Variants in ADAMTS12 observed in about 807,000 individuals in gnomAD.
The protein encoded by ADAMTS12 is A disintegrin and metalloproteinase with thrombospondin motifs 12.
In ADAMTS12, 118 loss-of-function variants were observed where a neutral mutation model predicts 167.8. That is an observed-to-expected ratio of 0.70 (90% confidence interval 0.61 to 0.82). The LOEUF (loss-of-function observed/expected upper bound fraction) is 0.82. Among genes scored for constraint, ADAMTS12 ranks in the 40% least tolerant of loss-of-function variants. The probability of loss-of-function intolerance (pLI) is 0.00; values close to 1 mark genes in which losing one functional copy is unlikely to be tolerated. For missense variants in ADAMTS12, 1,916 were observed against 1,998.8 expected (o/e 0.96, Z 0.79); for synonymous variants, 704 against 716.9 (o/e 0.98, Z 0.29).
At chr5:33,671,493 A>C (rs1741690670) in intron 5 of ADAMTS12, among the ~76,000 whole-genome samples, 1 of 152,208 alleles carries the variant, frequency 6.6e-6, no homozygotes, top group Non-Finnish European at 1.5e-5. Flanking sequence ...CAATGAACTC[A>C]AAACAAACAG....
chr5:33,672,172 TACAC>T (rs768067617), intron 5 of ADAMTS12, among the ~76,000 whole-genome samples: 14 of 139,416 alleles, frequency 1.0e-4, no homozygotes, highest in Non-Finnish European at 1.5e-4. Flanking sequence ...CATACACACA[TACAC>T]ACAGATCCAC....
At chr5:33,885,592 G>C (rs1033101003) in intron 1 of ADAMTS12, among the ~76,000 whole-genome samples, 2 of 152,232 alleles carry the variant, frequency 1.3e-5, no homozygotes, top group African/African-American at 2.4e-5. Flanking sequence ...CAGAACTATA[G>C]AGAATATCCA....
chr5:33,648,935 G>T lies in ADAMTS12; in HGVS notation c.1366C>A (p.Pro456Thr). 6.2e-7 allele frequency: 1 copy of T among 1,614,054 alleles called. No individual in the cohort carries two copies. Among genetic ancestry groups the T allele is most frequent in the Middle Eastern group, 1.7e-4 (1 of 6,058 alleles). ...RGWGFCLDDI[P>T]KKKGLKSKVI... is the part of the protein sequence containing the mutation. ...TTGGACTTCAAGCCTTTCTTTTTAG[G>T]TATGTCATCAAGACAGAACCCCCAG... Residue 456 changes from proline to threonine, a missense_variant, in exon 9 of 24, where the codon CCT becomes ACT. Coordinates refer to ENST00000504830, the MANE Select transcript of ADAMTS12 (RefSeq NM_030955.4).
intron 2 of ADAMTS12, among the ~76,000 whole-genome samples, chr5:33,764,275 T>A (rs1313333723): frequency 6.6e-6 from 1 of 152,256 alleles, no homozygotes; most frequent in Non-Finnish European, 1.5e-5. Context: ...GTCCTTATAA[T>A]TTCTGTTCAT....
At chr5:33,543,587 A>G (rs1744814259) in intron 22 of ADAMTS12, among the ~76,000 whole-genome samples, 1 of 152,230 alleles carries the variant, frequency 6.6e-6, no homozygotes, top group African/African-American at 2.4e-5. Context: ...AATATCCATG[A>G]TGAACATCAG....
At position 33,703,318 on chromosome 5, in the gene ADAMTS12, C is replaced by T. The variant is rs145293597; in HGVS notation, c.635-19263G>A. Reference sequence around the variant, plus strand: ...AATGTGTTTAAAGATAAGTGTATACCCATGATACCATCAAACCATCATCAC... The same window carrying T: ...AATGTGTTTAAAGATAAGTGTATACTCATGATACCATCAAACCATCATCAC... On this transcript the variant is annotated intron_variant, in intron 3 of 23. Transcript: ENST00000504830. Among the ~76,000 whole-genome samples, 498 of 152,178 alleles carry T rather than the reference C, an allele frequency of 3.3e-3. 4 individuals are homozygous for T. Among genetic ancestry groups the T allele is most frequent in the African/African-American group, 0.011 (476 of 41,532 alleles).
chr5:33,684,614 T>C (rs905264244), intron 3 of ADAMTS12, among the ~76,000 whole-genome samples: 2 of 152,162 alleles, frequency 1.3e-5, no homozygotes, highest in Non-Finnish European at 2.9e-5. Context: ...AGAGTAAACA[T>C]GTATAAAACT....
chr5:33,823,791 T>A (rs1747952725), intron 2 of ADAMTS12, among the ~76,000 whole-genome samples: 1 of 152,140 alleles, frequency 6.6e-6, no homozygotes, highest in South Asian at 2.1e-4. Flanking sequence ...CGTTTCAGAA[T>A]GACCCTTGAG....
intron 5 of ADAMTS12, among the ~76,000 whole-genome samples, chr5:33,670,924 T>C (rs4643962): frequency 0.95 from 145,093 of 152,242 alleles, 69,532 homozygotes; most frequent in Non-Finnish European, 1. Context: ...CCAAATGTCC[T>C]TCAGTGGGTG....
At chr5:33,585,337 A>G (rs978500937) in intron 18 of ADAMTS12, among the ~76,000 whole-genome samples, 3 of 152,168 alleles carry the variant, frequency 2.0e-5, no homozygotes, top group African/African-American at 7.2e-5. Context: ...TAACCCTATT[A>G]TTCTCATGTT....
chr5:33,537,340 G>T (rs1744468778), intron 22 of ADAMTS12, among the ~76,000 whole-genome samples: 1 of 152,224 alleles, frequency 6.6e-6, no homozygotes, highest in African/African-American at 2.4e-5. Flanking sequence ...GAGAGTTAAG[G>T]TAAATGCAAA....
chr5:33,731,973 C>T (rs1744210183), intron 3 of ADAMTS12, among the ~76,000 whole-genome samples: 2 of 152,156 alleles, frequency 1.3e-5, no homozygotes, highest in African/African-American at 4.8e-5. Flanking sequence ...TCATGTTCCA[C>T]CTCTGACCAG....
chr5:33,578,970 T>A (rs1215205176), intron 18 of ADAMTS12, among the ~76,000 whole-genome samples: 1 of 152,216 alleles, frequency 6.6e-6, no homozygotes, highest in Non-Finnish European at 1.5e-5. Context: ...GCGGAAATGA[T>A]GCTTAATGCA....
chr5:33,771,430 CA>C lies in ADAMTS12; in HGVS notation c.490-19883del, dbSNP rs145314283. On this transcript the variant is annotated intron_variant, in intron 2 of 23. Coordinates refer to ENST00000504830, the MANE Select transcript of ADAMTS12 (RefSeq NM_030955.4). ...AAAATGAGGTCACAGCCTTGATGATCAAGTGAAACATTCATCAACACATTAA... is the reference window on the plus strand; with the variant it reads ...AAAATGAGGTCACAGCCTTGATGATCAGTGAAACATTCATCAACACATTAA... Among the ~76,000 whole-genome samples the C allele has an allele frequency of 3.1e-3, 471 of 152,288 alleles. 4 individuals are homozygous for C. The highest frequency in any genetic ancestry group is 0.011 in the African/African-American group (443 of 41,554).
intron 3 of ADAMTS12, among the ~76,000 whole-genome samples, chr5:33,686,896 C>A (rs1742348599): frequency 6.8e-6 from 1 of 146,856 alleles, no homozygotes; most frequent in African/African-American, 2.5e-5. Context: ...AATATATATA[C>A]ACATATTCTC....
At chr5:33,664,980 C>T (rs1741416637) in intron 5 of ADAMTS12, among the ~76,000 whole-genome samples, 1 of 151,906 alleles carries the variant, frequency 6.6e-6, no homozygotes, top group East Asian at 1.9e-4. Context: ...ACGTGCCCAC[C>T]CAACATAAAA....
intron 2 of ADAMTS12, among the ~76,000 whole-genome samples, chr5:33,837,731 C>T (rs564670754): frequency 4.9e-4 from 74 of 152,304 alleles, no homozygotes; most frequent in African/African-American, 1.7e-3. Context: ...ACCAAGGAGA[C>T]GGGTCCATGA....
At chr5:33,636,473 A>G (rs1034444374) in intron 12 of ADAMTS12, among the ~76,000 whole-genome samples, 1 of 152,190 alleles carries the variant, frequency 6.6e-6, no homozygotes, top group African/African-American at 2.4e-5. Context: ...CCTCTAGATC[A>G]TAAATGACAC....
chr5:33,651,473 T>C (rs1740866068), intron 7 of ADAMTS12, among the ~76,000 whole-genome samples: 1 of 152,250 alleles, frequency 6.6e-6, no homozygotes, highest in Non-Finnish European at 1.5e-5. Flanking sequence ...ATCTTTGTTA[T>C]TAAACTATGA....
Sources: allele counts gnomAD v4.1 joint callset (sites outside exome capture counted in the v4.1 genomes callset), GRCh38; gene constraint gnomAD v4.1.1; transcripts MANE v1.5; gene names NCBI Gene and HGNC (gene_info 2026-07-23, HGNC 2026-07-21).